BAG3: variants seen among roughly 807,000 people sequenced by gnomAD.
BAG3 encodes the protein BAG family molecular chaperone regulator 3.
In BAG3, 14 loss-of-function variants were observed where a neutral mutation model predicts 40.5. That is an observed-to-expected ratio of 0.35 (90% CI 0.23 to 0.54). The LOEUF (loss-of-function observed/expected upper bound fraction) is 0.54, where lower values mean the gene tolerates loss of function less well. BAG3 is among the 20% of genes least tolerant of loss of function. The pLI, the probability that BAG3 is intolerant of heterozygous loss-of-function variation, is 0.91. For synonymous variants in BAG3, 302 were observed against 307.8 expected (o/e 0.98, Z 0.20); for missense variants, 788 against 758.6 (o/e 1.04, Z -0.46).
chr10:119,662,226 GT>G (rs869230141), intron 1 of BAG3, among the ~76,000 whole-genome samples: 24 of 84,054 alleles, frequency 2.9e-4, no homozygotes, highest in South Asian at 4.3e-4. Flanking sequence ...TTTTTTTTTT[GT>G]TTTTTTTTTT....
chr10:119,652,223 C>T (rs1290212574), intron 1 of BAG3, among the ~76,000 whole-genome samples: 1 of 151,964 alleles, frequency 6.6e-6, no homozygotes, highest in African/African-American at 2.4e-5. Flanking sequence ...GCTCCGGAGG[C>T]CCCGGCCCAC....
Position 119,651,757 on chromosome 10 carries a change from A to C in BAG3, c.82A>C (p.Ile28Leu). 6.2e-7 allele frequency: 1 copy of C among 1,600,290 alleles called. No homozygotes were observed. The highest frequency in any genetic ancestry group is 1.4e-5 in the African/African-American group (1 of 73,792). ...DRDPLPPGWE[I>L]KIDPQTGWPF... ...CGACCCTTTGCCCCCCGGATGGGAG[A>C]TCAAGATCGACCCGCAGACCGGCTG... is the stretch of plus-strand genomic sequence containing the variant. Residue 28 changes from isoleucine to leucine, a missense_variant, in exon 1 of 4, where the codon ATC (isoleucine) becomes CTC (leucine). Coordinates refer to ENST00000369085, the MANE Select transcript of BAG3 (RefSeq NM_004281.4).
At position 119,651,589 on chromosome 10, in the gene BAG3, G is replaced by A; in HGVS notation, c.-87G>A. On this transcript the variant is annotated 5_prime_UTR_variant, in exon 1 of 4. Coordinates refer to ENST00000369085, the MANE Select transcript of BAG3 (RefSeq NM_004281.4). ...TCCCGGACACGTCGGCGGCGGAGAG[G>A]GGCCCACGGCGGCGGCCCGGCCAGA... 1 of 1,260,120 alleles carries A rather than the reference G, an allele frequency of 7.9e-7. No individual in the cohort carries two copies. Among genetic ancestry groups the A allele is most frequent in the Non-Finnish European group, 1.0e-6 (1 of 976,302 alleles). 78.1% of individuals were successfully genotyped at this position (1,260,120 alleles called of 1,614,324 possible).
rs1012850083 is a variant in BAG3 at position 119,677,103 on chromosome 10, G to T, written c.1549G>T (p.Ala517Ser). Residue 517 changes from alanine to serine, a missense_variant, in exon 4 of 4, where the codon GCA becomes TCA. Transcript: ENST00000369085. ...TGAACTCCAGCCCAGCAACCTTGAA[G>T]CAGATCAGCCACTGCAGGCAATCAT... ...VYELQPSNLE[A>S]DQPLQAIMEM... 1 of 1,614,184 alleles carries T rather than the reference G, an allele frequency of 6.2e-7. No homozygotes were observed. Among genetic ancestry groups the T allele is most frequent in the African/African-American group, 1.3e-5 (1 of 75,038 alleles).
chr10:119,658,883 C>G (rs902102871), intron 1 of BAG3, among the ~76,000 whole-genome samples: 14 of 152,106 alleles, frequency 9.2e-5, no homozygotes, highest in African/African-American at 3.4e-4. Context: ...GTGGAACTCC[C>G]GGAAACATAT....
rs1057524225 is a variant in BAG3, at chr10:119,672,355, G to A, written c.608G>A (p.Arg203Gln). The A allele has an allele frequency of 3.7e-6, 6 of 1,613,960 alleles. No homozygotes were observed. The highest frequency in any genetic ancestry group is 5.1e-6 in the Non-Finnish European group (6 of 1,180,020). Reference sequence around the variant, plus strand: ...AGCCTGGGCAGTCACCAGCTCCCGCGGGGGTACATCTCCATTCCGGTGATA... The same window carrying A: ...AGCCTGGGCAGTCACCAGCTCCCGCAGGGGTACATCTCCATTCCGGTGATA... Reference protein sequence around the residue: ...RSSLGSHQLPRGYISIPVIHE... With the variant: ...RSSLGSHQLPQGYISIPVIHE... Residue 203 changes from arginine to glutamine, a missense_variant, in exon 3 of 4, where the codon CGG becomes CAG. Arg to Gln is a conservative substitution (Grantham distance 43). Transcript: ENST00000369085. This position sits in a 1 kb window ranked among gnomAD's most constrained non-coding sequence, Gnocchi z 4.8.
In BAG3 at chr10:119,677,302, A is replaced by G. The variant is rs1352491441; in HGVS notation, c.*20A>G. ...CCGTAGCCTCTGCCCTGTAAAAATC[A>G]GACTCGGAACCGATGTGTGCTTTAG... On this transcript the variant is annotated 3_prime_UTR_variant, in exon 4 of 4. Transcript: ENST00000369085. 1.2e-6 allele frequency: 2 copies of G among 1,613,262 alleles called. No individual in the cohort carries two copies. Among genetic ancestry groups the G allele is most frequent in the Non-Finnish European group, 1.7e-6 (2 of 1,179,964 alleles).
chr10:119,666,800 G>A (rs7095308), intron 1 of BAG3, among the ~76,000 whole-genome samples: 39,214 of 151,934 alleles, frequency 0.26, 5,204 homozygotes, highest in Middle Eastern at 0.29. Flanking sequence ...GGGCAGTGTG[G>A]GGGTTTGATG....
At position 119,672,409 on chromosome 10, in the gene BAG3, C is replaced by T; in HGVS notation, c.662C>T (p.Ala221Val). Residue 221 changes from alanine (A) to valine (V), a missense_variant, in exon 3 of 4, where the codon GCC (alanine) becomes GTC (valine). By Grantham distance (64) the Ala-to-Val change is moderately conservative. Coordinates refer to ENST00000369085, the MANE Select transcript of BAG3 (RefSeq NM_004281.4). This position sits in a 1 kb window ranked among gnomAD's most constrained non-coding sequence, Gnocchi z 4.8. ...GAGCAGAACGTTACCCGGCCAGCAG[C>T]CCAGCCCTCCTTCCACCAAGCCCAG... ...IHEQNVTRPAAQPSFHQAQKT... is the reference protein window; with the variant it reads ...IHEQNVTRPAVQPSFHQAQKT... 6.2e-7 allele frequency: 1 copy of T among 1,614,200 alleles called. No homozygotes were observed. Among genetic ancestry groups the T allele is most frequent in the Non-Finnish European group, 8.5e-7 (1 of 1,180,036 alleles).
At chr10:119,654,877 T>C (rs1846890928) in intron 1 of BAG3, among the ~76,000 whole-genome samples, 1 of 152,206 alleles carries the variant, frequency 6.6e-6, no homozygotes, top group African/African-American at 2.4e-5. Context: ...AGGGCCGCTC[T>C]AGCTCCATGG....
At chr10:119,660,373 T>C (rs1189119012) in intron 1 of BAG3, among the ~76,000 whole-genome samples, 3 of 152,208 alleles carry the variant, frequency 2.0e-5, no homozygotes, top group Non-Finnish European at 4.4e-5. Flanking sequence ...GGTGGGTCGT[T>C]TAGGGCTCAG....
At chr10:119,668,868 C>T (rs919870024) in intron 1 of BAG3, among the ~76,000 whole-genome samples, 12 of 152,192 alleles carry the variant, frequency 7.9e-5, no homozygotes, top group Non-Finnish European at 1.3e-4. Context: ...GCAGTGGGGT[C>T]GTGCAGTCAT....
At chr10:119,657,618 C>G (rs746528613) in intron 1 of BAG3, 25 of 470,896 alleles carry the variant, frequency 5.3e-5, no homozygotes, top group Non-Finnish European at 9.3e-5. Flanking sequence ...CAGAGTTGTC[C>G]TGGGCTCCTA....
intron 1 of BAG3, among the ~76,000 whole-genome samples, chr10:119,667,979 G>C (rs1157195032): frequency 6.6e-6 from 1 of 152,236 alleles, no homozygotes; most frequent in African/African-American, 2.4e-5. Flanking sequence ...AGCGCCTCTT[G>C]CTGGCTCCCT....
intron 1 of BAG3, among the ~76,000 whole-genome samples, chr10:119,663,272 T>C (rs1202370557): frequency 6.6e-6 from 1 of 151,812 alleles, no homozygotes; most frequent in African/African-American, 2.4e-5. Flanking sequence ...AGAGGCTTCC[T>C]TCTCTTCATT....
At position 119,651,405 on chromosome 10, in the gene BAG3, C is replaced by T. The variant is rs144814361; in HGVS notation, c.-271C>T. 9.8e-3 allele frequency: 3,406 copies of T among 346,902 alleles called. 26 individuals carry two copies. The highest frequency in any genetic ancestry group is 0.015 in the Non-Finnish European group (2,823 of 194,356). The allele number at this position is 346,902 out of a possible 1,614,324, so 21.5% of individuals were successfully genotyped here. A position where few individuals can be genotyped will look rare whatever the true frequency, so the allele number is the denominator to read the frequency against. On this transcript the variant is annotated 5_prime_UTR_variant, in exon 1 of 4. Transcript: ENST00000369085. ...GCATCCAACCCCGGGCCGCGGCCAA[C>T]TTCTCTGGACTGGACCAGAAGTTTC... is the stretch of plus-strand genomic sequence containing the variant.
intron 1 of BAG3, among the ~76,000 whole-genome samples, chr10:119,663,362 C>T (rs190175186): frequency 1.3e-5 from 2 of 152,194 alleles, no homozygotes; most frequent in East Asian, 3.9e-4. Flanking sequence ...TGCAGTGCTG[C>T]AATCTTGGCT....
intron 1 of BAG3, among the ~76,000 whole-genome samples, chr10:119,661,702 A>T (rs1325671924): frequency 1.3e-5 from 2 of 152,098 alleles, no homozygotes; most frequent in Non-Finnish European, 2.9e-5. Flanking sequence ...GATAGTTTAT[A>T]GAGTATGTGG....
intron 1 of BAG3, among the ~76,000 whole-genome samples, chr10:119,657,957 A>G (rs1846935369): frequency 6.6e-6 from 1 of 152,242 alleles, no homozygotes; most frequent in Admixed American, 6.5e-5. Context: ...CTAGAATCGC[A>G]GAGTGCCAGC....
Sources: gnomAD v4.1 joint callset for allele counts (sites outside exome capture counted in the v4.1 genomes callset) on GRCh38, gnomAD v4.1.1 for gene constraint, Gnocchi (gnomAD v3.1) non-coding constraint, MANE v1.5 for transcripts, NCBI Gene and HGNC (gene_info 2026-07-23, HGNC 2026-07-21) for gene names.